FHL1: variants seen among roughly 807,000 people sequenced by gnomAD.
FHL1 encodes the protein four and a half LIM domains protein 1.
In FHL1, 1 loss-of-function variant was observed where a neutral mutation model predicts 20.3. That is an observed-to-expected ratio of 0.05 (90% CI 0.02 to 0.23). The LOEUF (loss-of-function observed/expected upper bound fraction) is 0.23, where lower values mean the gene tolerates loss of function less well. FHL1 is among the 10% of genes least tolerant of loss of function. The pLI is 1.00. For synonymous variants in FHL1, 82 were observed against 88.9 expected (o/e 0.92, Z 0.44); for missense variants, 177 against 234.0 (o/e 0.76, Z 1.59).
At chrX:136,159,621 A>G (rs2072512584) in intron 1 of FHL1, among the ~76,000 whole-genome samples, 1 of 112,037 alleles carries the variant, frequency 8.9e-6, no homozygotes, top group Non-Finnish European at 1.9e-5. Context: ...TTTCTCCTTG[A>G]GTGATGTAAC....
At chrX:136,208,382 G>GTGCC (rs1341835184) in intron 4 of FHL1, 73 bp from the exon 5 acceptor site, 41 of 1,100,364 alleles carry the variant, frequency 3.7e-5, no homozygotes, top group Non-Finnish European at 5.0e-5. Flanking sequence ...GCCCAGCACA[G>GTGCC]TGCCTGGCAC....
upstream of FHL1, chrX:136,169,575 G>C: frequency 4.0e-6 from 1 of 248,999 alleles, no homozygotes; most frequent in East Asian, 1.1e-4. Flanking sequence ...CATTTGTTTT[G>C]ATTACCCGGG....
At chrX:136,178,748 T>G (rs952116911) in intron 2 of FHL1, among the ~76,000 whole-genome samples, 7 of 79,601 alleles carry the variant, frequency 8.8e-5, no homozygotes, top group Non-Finnish European at 1.5e-4. Flanking sequence ...GACCATTTCT[T>G]TTTCTATTCT....
chrX:136,206,722 T>C (rs1603270637), intron 2 of FHL1, 134 bp downstream of exon 2: 2 of 861,186 alleles, frequency 2.3e-6, no homozygotes, highest in African/African-American at 3.9e-5. Flanking sequence ...CAAGGAAGCC[T>C]CCTCCACTCC....
intron 1 of FHL1, among the ~76,000 whole-genome samples, chrX:136,160,604 T>C (rs917090320): frequency 8.9e-6 from 1 of 111,759 alleles, no homozygotes; most frequent in African/African-American, 3.3e-5. Flanking sequence ...TGTTTTAGTT[T>C]CGTAGAGGCA....
chrX:136,154,710 CTTT>C (rs1323465424), intron 1 of FHL1, among the ~76,000 whole-genome samples: 1 of 103,077 alleles, frequency 9.7e-6, no homozygotes, highest in Admixed American at 1.0e-4. Flanking sequence ...AATCTGGCAT[CTTT>C]TTTTTTTTTT....
chrX:136,192,449 C>T (rs1457444877), upstream of FHL1, among the ~76,000 whole-genome samples: 2 of 112,197 alleles, frequency 1.8e-5, no homozygotes, highest in Non-Finnish European at 3.8e-5. Context: ...GCTTCGTAAT[C>T]TCTCTGTGAA....
Position 136,206,647 on chromosome X carries a change from A to G in FHL1, c.204+59A>G, listed in dbSNP as rs902378347. 3.4e-6 allele frequency: 4 copies of G among 1,181,133 alleles called. No individual in the cohort carries two copies. In the African/African-American group the frequency reaches 7.0e-5, roughly 21 times the overall value. ...CTGGGTTTTGGAGTGTCCTTTGCCC[A>G]CAACCATGGCAGCAGCAGCTGGCTG... On this transcript the variant is annotated intron_variant, in intron 2 of 5. Coordinates refer to ENST00000370683, the MANE Select transcript of FHL1 (RefSeq NM_001159699.2).
intron 1 of FHL1, among the ~76,000 whole-genome samples, chrX:136,199,163 G>A (rs188372551): frequency 3.3e-3 from 364 of 111,228 alleles, no homozygotes; most frequent in South Asian, 0.012. Context: ...CGTAATCTGT[G>A]CAACATTATG....
upstream of FHL1, chrX:136,169,582 C>T (rs985843733): frequency 2.0e-5 from 5 of 248,905 alleles, no homozygotes; most frequent in African/African-American, 1.4e-4. Flanking sequence ...TTTGATTACC[C>T]GGGTGATTGC....
intron 1 of FHL1, among the ~76,000 whole-genome samples, chrX:136,202,081 C>T (rs1186062222): frequency 8.9e-6 from 1 of 112,310 alleles, no homozygotes; most frequent in East Asian, 2.8e-4. Flanking sequence ...AGGTAAAATG[C>T]TGGCTGGGCA....
rs1295252686 is a variant in FHL1 at position 136,152,729 on chromosome X, A to AG, written c.-101+5101_-101+5102insG. On this transcript the variant is annotated intron_variant, in intron 1 of 7. Transcript: ENST00000394155. ...AGCTAGACTCCATCTCAAAAAAAAA[A>AG]AAAAAAAAAAAAGTAATTTGAGAGG... Among the ~76,000 whole-genome samples, 3 of 109,384 alleles carry AG rather than the reference A, an allele frequency of 2.7e-5. No individual in the cohort carries two copies. In the East Asian group the frequency reaches 8.5e-4, roughly 31 times the overall value. 95.0% of individuals were successfully genotyped at this position (109,384 alleles called of 115,157 possible).
At chrX:136,171,702 G>A (rs566544528) in intron 2 of FHL1, among the ~76,000 whole-genome samples, 13 of 111,642 alleles carry the variant, frequency 1.2e-4, no homozygotes, top group Middle Eastern at 9.3e-3. Flanking sequence ...CATTTAAATC[G>A]AAGTTTTTCA....
At chrX:136,198,040 T>C (rs1361644578) in intron 1 of FHL1, among the ~76,000 whole-genome samples, 1 of 111,117 alleles carries the variant, frequency 9.0e-6, no homozygotes, top group Non-Finnish European at 1.9e-5. Context: ...GGAAATACTT[T>C]AGGAAATTTC....
upstream of FHL1, chrX:136,169,393 G>A: frequency 6.1e-6 from 1 of 164,189 alleles, no homozygotes; most frequent in Non-Finnish European, 1.2e-5. Flanking sequence ...AACTTCAGCG[G>A]TCACAGGGCA....
chrX:136,159,490 C>T (rs992136897), intron 1 of FHL1, among the ~76,000 whole-genome samples: 1 of 111,865 alleles, frequency 8.9e-6, no homozygotes, highest in Non-Finnish European at 1.9e-5. Context: ...TGCGGTGAAC[C>T]GAGATCACGC....
At chrX:136,209,214 A>G (rs1422525788) in intron 5 of FHL1, 6 of 1,182,628 alleles carry the variant, frequency 5.1e-6, no homozygotes, top group Non-Finnish European at 6.8e-6. Flanking sequence ...CTTGAAATGT[A>G]CATTTGAGAA....
intron 1 of FHL1, among the ~76,000 whole-genome samples, chrX:136,149,069 G>C (rs1438640557): frequency 8.9e-6 from 1 of 112,418 alleles, no homozygotes; most frequent in East Asian, 2.8e-4. Context: ...GGGTTATCAA[G>C]TCTATGGCAA....
chrX:136,205,156 A>G (rs1349379341), intron 1 of FHL1, among the ~76,000 whole-genome samples: 1 of 111,975 alleles, frequency 8.9e-6, no homozygotes, highest in African/African-American at 3.3e-5. Context: ...AAAGAAGTTG[A>G]AAGCTAATAG....
Sources: gnomAD v4.1 joint callset for allele counts (sites outside exome capture counted in the v4.1 genomes callset) on GRCh38, gnomAD v4.1.1 for gene constraint, MANE v1.5 for transcripts, NCBI Gene and HGNC (gene_info 2026-07-23, HGNC 2026-07-21) for gene names.